The following DGCR2 variants were observed in gnomAD, a reference collection of about 807,000 sequenced individuals.
DGCR2 encodes the protein integral membrane protein DGCR2/IDD.
In DGCR2, 24 loss-of-function variants were observed where a neutral mutation model predicts 51.6. The ratio of observed to expected loss-of-function variants is 0.47; its 90% confidence interval spans 0.34 to 0.65. The LOEUF is 0.65. Among genes scored for constraint, DGCR2 ranks in the 30% least tolerant of loss-of-function variants. The probability of loss-of-function intolerance (pLI) is 0.01; values close to 1 mark genes in which losing one functional copy is unlikely to be tolerated. For missense variants in DGCR2, 765 were observed against 772.1 expected (o/e 0.99, Z 0.11); for synonymous variants, 340 against 315.4 (o/e 1.08, Z -0.82).
chr22:19,084,002 G>A (rs1203229977), intron 2 of DGCR2, among the ~76,000 whole-genome samples: 1 of 152,138 alleles, frequency 6.6e-6, no homozygotes, highest in Non-Finnish European at 1.5e-5. Context: ...GATTGCAGAC[G>A]GAGTCTCGTT....
At chr22:19,059,447 C>T (rs554158442) in intron 5 of DGCR2, among the ~76,000 whole-genome samples, 1 of 152,040 alleles carries the variant, frequency 6.6e-6, no homozygotes, top group South Asian at 2.1e-4. Flanking sequence ...CCTCCCACTT[C>T]CTCCTGGACA....
intron 2 of DGCR2, among the ~76,000 whole-genome samples, chr22:19,068,727 A>G (rs991872867): frequency 1.3e-5 from 2 of 152,164 alleles, no homozygotes; most frequent in Non-Finnish European, 2.9e-5. Flanking sequence ...CTGGTCCCCC[A>G]TGGCTGTGAA....
At chr22:19,111,249 A>C (rs1464733689) in intron 1 of DGCR2, among the ~76,000 whole-genome samples, 4 of 152,218 alleles carry the variant, frequency 2.6e-5, no homozygotes, top group African/African-American at 7.2e-5. Flanking sequence ...CCAAGCCCAA[A>C]GAGACATCAC....
chr22:19,119,989 AC>A (rs1450259049), intron 1 of DGCR2, among the ~76,000 whole-genome samples: 1 of 152,048 alleles, frequency 6.6e-6, no homozygotes, highest in East Asian at 1.9e-4. Flanking sequence ...GCAGACTAAG[AC>A]CAGAGAAGCC....
chr22:19,120,240 A>G (rs767740178), intron 1 of DGCR2, among the ~76,000 whole-genome samples: 3 of 152,194 alleles, frequency 2.0e-5, no homozygotes, highest in Non-Finnish European at 2.9e-5. Context: ...AATCGAAAGA[A>G]TAAGTTTGCT....
At chr22:19,085,244 G>C (rs914966716) in intron 2 of DGCR2, among the ~76,000 whole-genome samples, 5 of 152,180 alleles carry the variant, frequency 3.3e-5, no homozygotes, top group Admixed American at 3.3e-4. Flanking sequence ...CAAAAGTAAA[G>C]TGGGCTAACT....
At chr22:19,056,816 C>T (rs1021525384) in intron 6 of DGCR2, among the ~76,000 whole-genome samples, 170 bp downstream of exon 6, 1 of 152,038 alleles carries the variant, frequency 6.6e-6, no homozygotes, top group African/African-American at 2.4e-5. Context: ...GACCAGCTGC[C>T]CTGGTCACAG....
intron 1 of DGCR2, among the ~76,000 whole-genome samples, chr22:19,101,255 T>C (rs2083198690): frequency 6.6e-6 from 1 of 152,190 alleles, no homozygotes; most frequent in Admixed American, 6.5e-5. Flanking sequence ...CTCAAACAGA[T>C]GCTGGCACAC....
chr22:19,043,138 C>G (rs1435150622), intron 7 of DGCR2, among the ~76,000 whole-genome samples: 2 of 152,244 alleles, frequency 1.3e-5, no homozygotes, highest in African/African-American at 4.8e-5. Flanking sequence ...CCAGGCTAGA[C>G]GCCAAGGAGC....
intron 5 of DGCR2, 86 bp downstream of exon 5, chr22:19,063,116 G>C (rs1335213315): frequency 6.9e-6 from 9 of 1,306,292 alleles, no homozygotes; most frequent in South Asian, 1.2e-5. Flanking sequence ...GGGCCAGGCA[G>C]CACTGGGTAA....
intron 1 of DGCR2, among the ~76,000 whole-genome samples, chr22:19,120,083 A>G (rs807751): frequency 0.51 from 76,945 of 151,982 alleles, 20,526 homozygotes; most frequent in African/African-American, 0.69. Flanking sequence ...AGAGGCACAC[A>G]CGGGCATACA....
At chr22:19,097,896 C>T (rs57259441) in intron 1 of DGCR2, among the ~76,000 whole-genome samples, 1 of 152,022 alleles carries the variant, frequency 6.6e-6, no homozygotes, top group East Asian at 1.9e-4. Flanking sequence ...GAGGTAAGGG[C>T]TAAGACCAGA....
In DGCR2 at chr22:19,038,904, AC is replaced by A. The variant is rs1278157389; in HGVS notation, c.1613del (p.Gly538ValfsTer111). The A allele has an allele frequency of 6.2e-7, 1 of 1,612,628 alleles. No homozygotes were observed. Among genetic ancestry groups the A allele is most frequent in the South Asian group, 1.1e-5 (1 of 91,028 alleles). On this transcript the variant is annotated frameshift_variant, in exon 10 of 10. Coordinates refer to ENST00000263196, the MANE Select transcript of DGCR2 (RefSeq NM_005137.3). LOFTEE classifies it high-confidence loss of function. ...STPAAEALPG[G>X]GRHSRSSLNT... The stretch of plus-strand genomic sequence containing the variant: ...TGAGGGAGCTGCGGCTGTGGCGGCC[AC>A]CCCCTGGCAGTGCCTCTGCAGCTGG...
chr22:19,062,909 C>G (rs1266186237), intron 5 of DGCR2, among the ~76,000 whole-genome samples: 1 of 152,000 alleles, frequency 6.6e-6, no homozygotes, highest in Non-Finnish European at 1.5e-5. Flanking sequence ...TCTGCATGCT[C>G]ATTTTTATAC....
chr22:19,084,785 A>C (rs1319508312), intron 2 of DGCR2, among the ~76,000 whole-genome samples: 1 of 129,634 alleles, frequency 7.7e-6, no homozygotes. Context: ...CCGCCCGGCC[A>C]GCCGCCCCGT....
intron 1 of DGCR2, among the ~76,000 whole-genome samples, chr22:19,111,782 A>G (rs138731191): frequency 1.3e-5 from 2 of 152,242 alleles, no homozygotes; most frequent in African/African-American, 4.8e-5. Flanking sequence ...TAAACCAACA[A>G]GCTCACAATG....
chr22:19,089,610 C>CAAA, intron 1 of DGCR2, 120 bp from the exon 2 acceptor site: 1 of 1,168,364 alleles, frequency 8.6e-7, no homozygotes, highest in Non-Finnish European at 1.1e-6. Flanking sequence ...GACAGAGTCT[C>CAAA]ATTCTGTCAC....
intron 2 of DGCR2, among the ~76,000 whole-genome samples, chr22:19,070,316 G>C (rs942160787): frequency 1.3e-5 from 2 of 152,208 alleles, no homozygotes; most frequent in African/African-American, 4.8e-5. Context: ...AGATGGAGCA[G>C]CTTTGGCAAA....
chr22:19,056,364 T>A (rs564341482), intron 6 of DGCR2: 1 of 321,090 alleles, frequency 3.1e-6, no homozygotes. Context: ...GCCTGCACCA[T>A]GCTCGGCAAC....
Sources: allele counts gnomAD v4.1 joint callset (sites outside exome capture counted in the v4.1 genomes callset), GRCh38; gene constraint gnomAD v4.1.1; transcripts MANE v1.5; gene names NCBI Gene and HGNC (gene_info 2026-07-23, HGNC 2026-07-21).